The following MRPL54 variants were observed in gnomAD, a reference collection of about 807,000 sequenced individuals.
MRPL54 encodes the protein mitochondrial ribosomal protein L54.
In MRPL54, 12 loss-of-function variants were observed where a neutral mutation model predicts 15.6. That is an observed-to-expected ratio of 0.77 (90% CI 0.49 to 1.24). The LOEUF is 1.24. Among genes scored for constraint, MRPL54 ranks in the 50% most tolerant of loss-of-function variants. The pLI is 0.00. For missense variants in MRPL54, 178 were observed against 186.8 expected (o/e 0.95, Z 0.28); for synonymous variants, 91 against 75.7 (o/e 1.20, Z -1.05).
intron 1 of MRPL54, among the ~76,000 whole-genome samples, 169 bp from the exon 2 acceptor site, chr19:3,764,997 C>T (rs912667943): frequency 8.6e-5 from 13 of 150,556 alleles, no homozygotes; most frequent in African/African-American, 3.2e-4. Flanking sequence ...CACTGCACTC[C>T]ACCTGGGCAA....
Position 3,765,168 on chromosome 19 carries a change from A to T in MRPL54, c.121A>T (p.Met41Leu), listed in dbSNP as rs770537254. ...LARDYAKKPV[M>L]KGAKSGKGAV... ...GACTCTCCCTCTCGTCTCCCCAGTT[A>T]TGAAGGGGGCCAAATCGGGAAAAGG... The change falls in exon 2 of 3, where the codon ATG becomes TTG. Residue 41 changes from methionine to leucine, a missense_variant and splice_region_variant. Physicochemically the swap from Met to Leu is conservative, Grantham distance 15. Coordinates refer to ENST00000330133, the MANE Select transcript of MRPL54 (RefSeq NM_172251.3). 1 of 1,610,436 alleles carries T rather than the reference A, an allele frequency of 6.2e-7. No individual in the cohort carries two copies. The highest frequency in any genetic ancestry group is 2.2e-5 in the East Asian group (1 of 44,662).
chr19:3,764,329 C>G (rs1599181222), intron 1 of MRPL54, among the ~76,000 whole-genome samples: 1 of 152,028 alleles, frequency 6.6e-6, no homozygotes, highest in East Asian at 2.0e-4. Context: ...GTGATCCGCC[C>G]ACCTTGGCCT....
At chr19:3,765,364 A>G (rs769730508) in intron 2 of MRPL54, 33 bp downstream of exon 2, 2 of 1,607,858 alleles carry the variant, frequency 1.2e-6, no homozygotes, top group Admixed American at 1.7e-5. Flanking sequence ...TCCTGCAATG[A>G]CTATTCCTTC....
chr19:3,762,745 C>T lies in MRPL54; in HGVS notation c.45C>T (p.Gly15=). The change falls in exon 1 of 3, where the codon GGC becomes GGT. Residue 15 remains glycine (G), a synonymous_variant. Transcript: ENST00000330133. ...TCGGGGCTACCCGGACGTGGGCCGG[C>T]TGGGGGGCCTGGGAGCTCCTAAACC... is the stretch of plus-strand genomic sequence containing the variant. ...RLFGATRTWA[G]WGAWELLNPA... is the part of the protein sequence containing the mutation. 1.2e-6 allele frequency: 2 copies of T among 1,610,696 alleles called. No homozygotes were observed. The highest frequency in any genetic ancestry group is 2.2e-5 in the South Asian group (2 of 90,968).
In MRPL54 at chr19:3,765,241, C is replaced by CT; in HGVS notation, c.195dup (p.Val66CysfsTer26). On this transcript the variant is annotated frameshift_variant, in exon 2 of 3. Transcript: ENST00000330133. LOFTEE classifies it high-confidence loss of function. ...AAGGACCCCGACGTATGCACAGATC[C>CT]TGTCCAGCTCACCACATATGCCATG... The CT allele has an allele frequency of 6.2e-7, 1 of 1,614,032 alleles. No homozygotes were observed. Among genetic ancestry groups the CT allele is most frequent in the Non-Finnish European group, 8.5e-7 (1 of 1,179,976 alleles).
chr19:3,766,088 T>A lies in MRPL54; in HGVS notation c.284+757T>A, dbSNP rs1599182345. Among the ~76,000 whole-genome samples, 5 of 151,010 alleles carry A rather than the reference T, an allele frequency of 3.3e-5. No individual in the cohort carries two copies. In the South Asian group the frequency reaches 1.1e-3, roughly 32 times the overall value. The stretch of plus-strand genomic sequence containing the variant: ...CACCATGCCTGGCTAATTTTTTTTT[T>A]TTTTTGAGATGGAGTTTTGCTCTTG... On this transcript the variant is annotated intron_variant, in intron 2 of 2. Transcript: ENST00000330133.
rs760731425 is a variant in MRPL54, at chr19:3,767,354, C to G, written c.378C>G (p.Ile126Met). 6.2e-7 allele frequency: 1 copy of G among 1,610,880 alleles called. No homozygotes were observed. The highest frequency in any genetic ancestry group is 8.5e-7 in the Non-Finnish European group (1 of 1,178,782). Residue 126 changes from isoleucine (I) to methionine (M), a missense_variant, in exon 3 of 3, where the codon ATC becomes ATG. Ile to Met is a conservative substitution (Grantham distance 10). Coordinates refer to ENST00000330133, the MANE Select transcript of MRPL54 (RefSeq NM_172251.3). The stretch of plus-strand genomic sequence containing the variant: ...GGCGGCGGCTGCGGAAACAGAACAT[C>G]TGGCGCCACAACCGGCTGAGCAAGA... ...EYWRRLRKQN[I>M]WRHNRLSKNK...
chr19:3,765,021 C>T lies in MRPL54; in HGVS notation c.119-145C>T, dbSNP rs11883326. 5,273 of 818,184 alleles carry T rather than the reference C, an allele frequency of 6.4e-3. 174 individuals carry two copies. The African/African-American group carries it at 0.083, about 13-fold the overall frequency. The allele number at this position is 818,184 out of a possible 1,614,324, so 50.7% of individuals were successfully genotyped here. A position where few individuals can be genotyped will look rare whatever the true frequency, so the allele number is the denominator to read the frequency against. ...CCACCTGGGCAACAGAGCGAGACTCCGTCTCAAAAAAAAAAAAAAAGAAAG... is the reference window on the plus strand; with the variant it reads ...CCACCTGGGCAACAGAGCGAGACTCTGTCTCAAAAAAAAAAAAAAAGAAAG... On this transcript the variant is annotated intron_variant, in intron 1 of 2. Coordinates refer to ENST00000330133, the MANE Select transcript of MRPL54 (RefSeq NM_172251.3).
rs748505891 is a variant in MRPL54 at position 3,765,228 on chromosome 19, G to C, written c.181G>C (p.Val61Leu). Residue 61 changes from valine (V) to leucine (L), a missense_variant, in exon 2 of 3, where the codon GTA becomes CTA. Physicochemically the swap from Val to Leu is conservative, Grantham distance 32 (BLOSUM62 1). Transcript: ENST00000330133. ...CAGCGAGGCCCTCAAGGACCCCGAC[G>C]TATGCACAGATCCTGTCCAGCTCAC... ...VTSEALKDPD[V>L]CTDPVQLTTY... 1 of 1,613,818 alleles carries C rather than the reference G, an allele frequency of 6.2e-7. No individual in the cohort carries two copies. Among genetic ancestry groups the C allele is most frequent in the Non-Finnish European group, 8.5e-7 (1 of 1,179,964 alleles).
intron 2 of MRPL54, among the ~76,000 whole-genome samples, chr19:3,766,939 G>T (rs1381973023): frequency 6.6e-6 from 1 of 152,190 alleles, no homozygotes; most frequent in African/African-American, 2.4e-5. Flanking sequence ...TTCTGCTGTG[G>T]CCCCAAGCTG....
At chr19:3,766,784 G>C (rs2037202094) in intron 2 of MRPL54, among the ~76,000 whole-genome samples, 1 of 152,216 alleles carries the variant, frequency 6.6e-6, no homozygotes, top group Non-Finnish European at 1.5e-5. Context: ...TTTCCAGGCA[G>C]TGGGCACAGC....
chr19:3,766,785 T>C (rs1362678867), intron 2 of MRPL54, among the ~76,000 whole-genome samples: 2 of 152,052 alleles, frequency 1.3e-5, no homozygotes, highest in Non-Finnish European at 2.9e-5. Context: ...TTCCAGGCAG[T>C]GGGCACAGCC....
rs945097710 is a variant in MRPL54, at chr19:3,767,365, A to G, written c.389A>G (p.Asn130Ser). 6 of 1,610,428 alleles carry G rather than the reference A, an allele frequency of 3.7e-6. No individual in the cohort carries two copies. Among genetic ancestry groups the G allele is most frequent in the Non-Finnish European group, 4.2e-6 (5 of 1,178,608 alleles). The part of the protein sequence containing the change: ...RLRKQNIWRH[N>S]RLSKNKRL ...CGGAAACAGAACATCTGGCGCCACAACCGGCTGAGCAAGAACAAGAGGTTG... is the reference window on the plus strand; with the variant it reads ...CGGAAACAGAACATCTGGCGCCACAGCCGGCTGAGCAAGAACAAGAGGTTG... The change falls in exon 3 of 3, where the codon AAC becomes AGC. Residue 130 changes from asparagine to serine, a missense_variant. Coordinates refer to ENST00000330133, the MANE Select transcript of MRPL54 (RefSeq NM_172251.3).
intron 1 of MRPL54, among the ~76,000 whole-genome samples, chr19:3,764,144 G>A (rs1040096208): frequency 4.6e-5 from 7 of 151,626 alleles, no homozygotes; most frequent in Admixed American, 2.0e-4. Flanking sequence ...GTGCAGTGGC[G>A]CAATCTTGGC....
intron 1 of MRPL54, among the ~76,000 whole-genome samples, chr19:3,763,122 G>C (rs970792905): frequency 2.0e-5 from 3 of 152,232 alleles, no homozygotes; most frequent in Non-Finnish European, 4.4e-5. Flanking sequence ...GGTTGGAAAG[G>C]ATTTGAAGGG....
At chr19:3,762,858 G>A in intron 1 of MRPL54, 40 bp downstream of exon 1, 1 of 1,455,910 alleles carries the variant, frequency 6.9e-7, no homozygotes, top group South Asian at 1.3e-5. Context: ...GACGGTGGGT[G>A]CACTGAGGAA....
intron 1 of MRPL54, among the ~76,000 whole-genome samples, chr19:3,763,526 G>A (rs1282783017): frequency 6.6e-6 from 1 of 151,916 alleles, no homozygotes; most frequent in South Asian, 2.1e-4. Context: ...TTTATTCCCG[G>A]CACTTTGGGA....
chr19:3,764,291 G>C (rs1406732169), intron 1 of MRPL54, among the ~76,000 whole-genome samples: 1 of 151,952 alleles, frequency 6.6e-6, no homozygotes, highest in Non-Finnish European at 1.5e-5. Context: ...CACCATGTTA[G>C]CCAGGATGGT....
intron 1 of MRPL54, 68 bp downstream of exon 1, chr19:3,762,886 G>C: frequency 1.5e-6 from 2 of 1,297,850 alleles, no homozygotes; most frequent in Non-Finnish European, 2.1e-6. Flanking sequence ...TGCGCAGGCG[G>C]TGGTTGGGGA....
Sources: allele counts gnomAD v4.1 joint callset (sites outside exome capture counted in the v4.1 genomes callset), GRCh38; gene constraint gnomAD v4.1.1; transcripts MANE v1.5; gene names NCBI Gene and HGNC (gene_info 2026-07-23, HGNC 2026-07-21).